The following SRRM2 variants were observed in gnomAD, a reference collection of about 807,000 sequenced individuals.
SRRM2 encodes serine/arginine repetitive matrix protein 2.
A neutral mutation model predicts 213.8 loss-of-function variants in SRRM2; 30 were observed. The observed-to-expected ratio is 0.14, with a 90% CI of 0.10 to 0.19. SRRM2 has a LOEUF of 0.19. SRRM2 is among the 10% of genes least tolerant of loss of function. SRRM2 has a pLI of 1.00. For synonymous variants in SRRM2, 2,025 were observed against 1,377.7 expected (o/e 1.47, Z -10.40); for missense variants, 4,904 against 3,647.0 (o/e 1.34, Z -8.88).
At position 2,767,932 on chromosome 16, in the gene SRRM2, T is replaced by G; in HGVS notation, c.7404T>G (p.Pro2468=). ...GTTGTTTGATTGCCCAGACCACCCC[T>G]GTAGCAGGGTCTCAGTCCCTTTCCT... The part of the protein sequence containing the change: ...QSRCLIAQTT[P]VAGSQSLSSG... Residue 2468 remains proline, a synonymous_variant, in exon 11 of 15, where the codon CCT becomes CCG. Coordinates refer to ENST00000301740, the MANE Select transcript of SRRM2 (RefSeq NM_016333.4). 6.2e-7 allele frequency: 1 copy of G among 1,614,142 alleles called. No individual in the cohort carries two copies.
chr16:2,770,956 G>A lies in SRRM2; in HGVS notation c.*89G>A, dbSNP rs1459446077. On this transcript the variant is annotated 3_prime_UTR_variant, in exon 15 of 15. Coordinates refer to ENST00000301740, the MANE Select transcript of SRRM2 (RefSeq NM_016333.4). ...CCAGCAGAGCCGTGGGAGGGTCCTT[G>A]TCTGCTCTCCTTTGAACCTTGGCAG... is the stretch of plus-strand genomic sequence containing the variant. 7.7e-6 allele frequency: 12 copies of A among 1,557,824 alleles called. No individual in the cohort carries two copies. The Admixed American group carries it at 1.6e-4, about 20-fold the overall frequency.
Position 2,758,501 on chromosome 16 carries a change from C to T in SRRM2, c.547C>T (p.Pro183Ser), listed in dbSNP as rs372764013. 10 of 1,613,974 alleles carry T rather than the reference C, an allele frequency of 6.2e-6. No homozygotes were observed. Among genetic ancestry groups the T allele is most frequent in the Non-Finnish European group, 8.5e-6 (10 of 1,180,028 alleles). The change falls in exon 5 of 15, where the codon CCA becomes TCA. Residue 183 changes from proline (P) to serine (S), a missense_variant. Pro to Ser is a moderately conservative substitution (Grantham distance 74, BLOSUM62 -1). Transcript: ENST00000301740. ...LVRESSSSRS[P>S]TPKQKKKKKK... is the part of the protein sequence containing the mutation. ...TCGGGAGTCTAGCAGTTCTCGCTCACCAACCCCAAAGCAGAAGAAGAAGAA... is the reference window on the plus strand; with the variant it reads ...TCGGGAGTCTAGCAGTTCTCGCTCATCAACCCCAAAGCAGAAGAAGAAGAA...
chr16:2,758,573 A>AG, intron 5 of SRRM2, 26 bp downstream of exon 5: 1 of 1,600,054 alleles, frequency 6.2e-7, no homozygotes, highest in Non-Finnish European at 8.6e-7. Context: ...AGTGACTCTG[A>AG]TAGCCAGAGG....
Position 2,765,297 on chromosome 16 carries a change from G to C in SRRM2, c.4769G>C (p.Arg1590Pro), listed in dbSNP as rs749565217. 26 of 1,614,106 alleles carry C rather than the reference G, an allele frequency of 1.6e-5. No individual in the cohort carries two copies. Among genetic ancestry groups the C allele is most frequent in the Non-Finnish European group, 2.0e-5 (24 of 1,180,032 alleles). Residue 1590 changes from arginine (R) to proline (P), a missense_variant, in exon 11 of 15, where the codon CGA (arginine) becomes CCA (proline). Transcript: ENST00000301740. Reference protein sequence around the residue: ...GSSPEVDSKSRLSPRRSRSGS... With the variant: ...GSSPEVDSKSPLSPRRSRSGS... ...TCTCCAGAGGTTGACAGCAAATCTC[G>C]ACTATCCCCTCGGCGCAGTAGGTCT...
In SRRM2 at chr16:2,762,342, G is replaced by A. The variant is rs201876773; in HGVS notation, c.1814G>A (p.Arg605Gln). 12 of 1,614,024 alleles carry A rather than the reference G, an allele frequency of 7.4e-6. No individual in the cohort carries two copies. Among genetic ancestry groups the A allele is most frequent in the Middle Eastern group, 1.6e-4 (1 of 6,062 alleles). Residue 605 changes from arginine to glutamine, a missense_variant, in exon 11 of 15, where the codon CGG becomes CAG. By Grantham distance (43) the Arg-to-Gln change is conservative. Transcript: ENST00000301740. ...RSRTPTRRRS[R>Q]SRTPARRGRS... is the part of the protein sequence containing the mutation. ...AGAACTCCCACCAGGCGTAGGTCTC[G>A]GTCTAGAACACCAGCCCGGAGGGGC...
At chr16:2,754,718 G>A (rs1005884277) in intron 1 of SRRM2, among the ~76,000 whole-genome samples, 12 of 152,224 alleles carry the variant, frequency 7.9e-5, no homozygotes, top group Admixed American at 4.6e-4. Context: ...ATTAAGTGGG[G>A]TAGGGGAGAG....
At position 2,763,815 on chromosome 16, in the gene SRRM2, G is replaced by C; in HGVS notation, c.3287G>C (p.Gly1096Ala). The change falls in exon 11 of 15, where the codon GGA (glycine) becomes GCA (alanine). Residue 1096 changes from glycine to alanine, a missense_variant. Physicochemically the swap from Gly to Ala is moderately conservative, Grantham distance 60. Transcript: ENST00000301740. The stretch of plus-strand genomic sequence containing the variant: ...AGCAAATCTCAAACATCACCTAAGG[G>C]AGGTCGGTCCAGGTCTTCATCTCCA... The part of the protein sequence containing the change: ...LQSKSQTSPK[G>A]GRSRSSSPVT... The C allele has an allele frequency of 6.2e-7, 1 of 1,614,142 alleles. No homozygotes were observed. The highest frequency in any genetic ancestry group is 2.2e-5 in the East Asian group (1 of 44,882).
At chr16:2,758,795 A>G in intron 5 of SRRM2, 190 bp from the exon 6 acceptor site, 1 of 713,688 alleles carries the variant, frequency 1.4e-6, no homozygotes, top group Non-Finnish European at 2.3e-6. Context: ...TTTCATTTTG[A>G]GGTTTGTTGA....
chr16:2,767,817 G>C lies in SRRM2; in HGVS notation c.7289G>C (p.Arg2430Thr), dbSNP rs982795511. The change falls in exon 11 of 15, where the codon AGA becomes ACA. Residue 2430 changes from arginine (R) to threonine (T), a missense_variant. Physicochemically the swap from Arg to Thr is moderately conservative, Grantham distance 71. Transcript: ENST00000301740. ...GAACGGGCTCCCTCCCCTTCCTCTA[G>C]AATGGGCCAGGCTCCTTCACAGTCT... ...TSERAPSPSSRMGQAPSQSLL... is the reference protein window; with the variant it reads ...TSERAPSPSSTMGQAPSQSLL... The C allele has an allele frequency of 6.2e-7, 1 of 1,613,962 alleles. No homozygotes were observed. Among genetic ancestry groups the C allele is most frequent in the Non-Finnish European group, 8.5e-7 (1 of 1,179,978 alleles).
chr16:2,766,361 C>T lies in SRRM2; in HGVS notation c.5833C>T (p.Arg1945Cys), dbSNP rs763872173. 1.6e-5 allele frequency: 26 copies of T among 1,614,098 alleles called. No individual in the cohort carries two copies. The highest frequency in any genetic ancestry group is 6.7e-5 in the East Asian group (3 of 44,884). ...GTCTAGAACGCCAACAACACGCCGC[C>T]GCTCCCGTTCTAGAACTCCACCAGT... ...SRSRTPTTRR[R>C]SRSRTPPVTR... Residue 1945 changes from arginine to cysteine, a missense_variant, in exon 11 of 15, where the codon CGC becomes TGC. Physicochemically the swap from Arg to Cys is radical, Grantham distance 180. Transcript: ENST00000301740. The surrounding 1 kb of genome is among the most constrained non-coding windows in gnomAD (Gnocchi z 7.0).
At position 2,764,273 on chromosome 16, in the gene SRRM2, G is replaced by T. The variant is rs150319221; in HGVS notation, c.3745G>T (p.Ala1249Ser). ...GGTGGTAGAGAAGTCTGAAGAACCC[G>T]CAGGCCAAATCCTGTCTCATTTGTC... ...MEVVEKSEEP[A>S]GQILSHLSSE... The change falls in exon 11 of 15, where the codon GCA (alanine) becomes TCA (serine). Residue 1249 changes from alanine (A) to serine (S), a missense_variant. Ala to Ser is a moderately conservative substitution (Grantham distance 99, BLOSUM62 1). Coordinates refer to ENST00000301740, the MANE Select transcript of SRRM2 (RefSeq NM_016333.4). The T allele has an allele frequency of 4.3e-6, 7 of 1,613,760 alleles. No individual in the cohort carries two copies. The South Asian group carries it at 5.5e-5, about 13-fold the overall frequency.
chr16:2,768,882 G>A (rs2068636137), intron 11 of SRRM2, 115 bp from the exon 12 acceptor site: 1 of 1,549,094 alleles, frequency 6.5e-7, no homozygotes, highest in Non-Finnish European at 8.7e-7. Context: ...GGCTCGGAGA[G>A]CTCCCAGCGC....
At chr16:2,753,436 A>C (rs1009578626) in intron 1 of SRRM2, 1 of 152,270 alleles carries the variant, frequency 6.6e-6, no homozygotes, top group Non-Finnish European at 1.5e-5. Flanking sequence ...ATTCCCGGCT[A>C]TCAGCCTTTG....
Position 2,753,036 on chromosome 16 carries a change from A to ACCCCCCC in SRRM2, c.-32+193_-32+199dup, listed in dbSNP as rs5815132. Among the ~76,000 whole-genome samples the ACCCCCCC allele has an allele frequency of 1.2e-4, 17 of 138,454 alleles. 1 individual carries two copies. The highest frequency in any genetic ancestry group is 3.9e-3 in the Middle Eastern group (1 of 258). 90.8% of individuals were successfully genotyped at this position (138,454 alleles called of 152,430 possible). On this transcript the variant is annotated intron_variant, in intron 1 of 14. Coordinates refer to ENST00000301740, the MANE Select transcript of SRRM2 (RefSeq NM_016333.4). ...GCCGTTCCTGTCGCGCGCGGGCTTC[A>ACCCCCCC]CCCCCCCCCGCCCCTCCCCCATGAC...
intron 2 of SRRM2, among the ~76,000 whole-genome samples, chr16:2,757,110 A>G (rs998545091): frequency 9.2e-5 from 14 of 152,190 alleles, no homozygotes. Flanking sequence ...CTTTTAGAGC[A>G]GTGGTTTTAA....
chr16:2,764,678 T>A lies in SRRM2; in HGVS notation c.4150T>A (p.Ser1384Thr). ...GACAAGATCCTCTGGACACAGCAGT[T>A]CTGAGTTATCCCCAGATGCAGTGGA... Reference protein sequence around the residue: ...QSTRSSGHSSSELSPDAVEKA... With the variant: ...QSTRSSGHSSTELSPDAVEKA... Residue 1384 changes from serine to threonine, a missense_variant, in exon 11 of 15, where the codon TCT (serine) becomes ACT (threonine). Transcript: ENST00000301740. 6.2e-7 allele frequency: 1 copy of A among 1,614,134 alleles called. No homozygotes were observed. Among genetic ancestry groups the A allele is most frequent in the Non-Finnish European group, 8.5e-7 (1 of 1,180,038 alleles).
rs147851902 is a variant in SRRM2, at chr16:2,770,602, A to G, written c.8136-2A>G. ...TGGCCTGATGTCTGTCCTGTGTTGC[A>G]GCAGCAGCAGTGAGCGGGGTTCCCG... On this transcript the variant is annotated splice_acceptor_variant, in intron 13 of 14. Transcript: ENST00000301740. LOFTEE classifies it high-confidence loss of function. 6.4e-7 allele frequency: 1 copy of G among 1,552,118 alleles called. No individual in the cohort carries two copies. The highest frequency in any genetic ancestry group is 1.4e-5 in the African/African-American group (1 of 73,308).
rs751730752 is a variant in SRRM2 at position 2,766,789 on chromosome 16, T to C, written c.6261T>C (p.Arg2087=). 1 of 1,614,174 alleles carries C rather than the reference T, an allele frequency of 6.2e-7. No individual in the cohort carries two copies. The highest frequency in any genetic ancestry group is 8.5e-7 in the Non-Finnish European group (1 of 1,180,028). ...RRSASGSSSD[R]SRSATPPATR... ...CTGCATCTGGAAGTAGTTCTGATCG[T>C]TCACGATCTGCTACTCCTCCAGCAA... Residue 2087 remains arginine (R), a synonymous_variant, in exon 11 of 15, where the codon CGT becomes CGC. Coordinates refer to ENST00000301740, the MANE Select transcript of SRRM2 (RefSeq NM_016333.4). This position sits in a 1 kb window ranked among gnomAD's most constrained non-coding sequence, Gnocchi z 7.0.
chr16:2,758,404 C>G, intron 4 of SRRM2, 66 bp from the exon 5 acceptor site: 7 of 1,366,574 alleles, frequency 5.1e-6, no homozygotes, highest in South Asian at 1.2e-5. Context: ...TAGACTCTGT[C>G]TTTTAAAGAA....
Sources: gnomAD v4.1 joint callset for allele counts (sites outside exome capture counted in the v4.1 genomes callset) on GRCh38, gnomAD v4.1.1 for gene constraint, Gnocchi (gnomAD v3.1) non-coding constraint, MANE v1.5 for transcripts, NCBI Gene and HGNC (gene_info 2026-07-23, HGNC 2026-07-21) for gene names.